SYNE2: variants seen among roughly 807,000 people sequenced by gnomAD.
The protein encoded by SYNE2 is spectrin repeat containing nuclear envelope protein 2.
SYNE2 carries 431 observed loss-of-function variants against 856.3 expected under a neutral mutation model. The observed-to-expected ratio is 0.50, with a 90% CI of 0.47 to 0.55. The LOEUF (loss-of-function observed/expected upper bound fraction) is 0.55, where lower values mean the gene tolerates loss of function less well. SYNE2 is among the 20% of genes least tolerant of loss of function. The pLI, the probability that SYNE2 is intolerant of heterozygous loss-of-function variation, is 0.00. For missense variants in SYNE2, 8,129 were observed against 8,023.2 expected (o/e 1.01, Z -0.50); for synonymous variants, 2,923 against 2,872.3 (o/e 1.02, Z -0.56).
At chr14:64,129,745 T>A (rs374498004) in intron 74 of SYNE2, 37 bp from the exon 75 acceptor site, 1 of 1,613,270 alleles carries the variant, frequency 6.2e-7, no homozygotes, top group Non-Finnish European at 8.5e-7. Flanking sequence ...TCTGACTTAC[T>A]GAAGGGTTTT....
At chr14:64,010,448 C>T (rs574722113) in intron 32 of SYNE2, among the ~76,000 whole-genome samples, 298 of 152,142 alleles carry the variant, frequency 2.0e-3, no homozygotes, top group African/African-American at 6.6e-3. Flanking sequence ...GCAGGCTTGA[C>T]AGAAGGAAGA....
intron 32 of SYNE2, among the ~76,000 whole-genome samples, chr14:64,012,394 C>T (rs933490032): frequency 2.0e-5 from 3 of 152,238 alleles, no homozygotes; most frequent in South Asian, 2.1e-4. Flanking sequence ...ATTAAAGTAG[C>T]ATGTGGGGAG....
At chr14:64,056,772 G>A (rs993539819) in intron 49 of SYNE2, among the ~76,000 whole-genome samples, 6 of 152,018 alleles carry the variant, frequency 3.9e-5, no homozygotes. Flanking sequence ...CCGAGTTCAA[G>A]TAATTCTCCT....
In SYNE2 at chr14:64,091,114, T is replaced by G. The variant is rs2097609124; in HGVS notation, c.11976+66T>G. 7.0e-6 allele frequency: 10 copies of G among 1,437,592 alleles called. No individual in the cohort carries two copies. The Admixed American group carries it at 1.7e-4, about 25-fold the overall frequency. The allele number at this position is 1,437,592 out of a possible 1,614,324, so 89.1% of individuals were successfully genotyped here. A position where few individuals can be genotyped will look rare whatever the true frequency, so the allele number is the denominator to read the frequency against. Reference sequence around the variant, plus strand: ...TGTTCACCAAAAGCTGGTTTGGTTTTCACTTCTAATTGAAATTCATTATTA... The same window carrying G: ...TGTTCACCAAAAGCTGGTTTGGTTTGCACTTCTAATTGAAATTCATTATTA... On this transcript the variant is annotated intron_variant, in intron 60 of 115. Coordinates refer to ENST00000555002, the MANE Select transcript of SYNE2 (RefSeq NM_182914.3).
At chr14:64,196,641 A>G (rs1761162846) in intron 99 of SYNE2, 1 of 152,210 alleles carries the variant, frequency 6.6e-6, no homozygotes, top group South Asian at 2.1e-4. Flanking sequence ...TGAAACAGAG[A>G]AATTTAATTT....
chr14:64,175,018 C>T lies in SYNE2; in HGVS notation c.17310C>T (p.Leu5770=). The T allele has an allele frequency of 6.2e-7, 1 of 1,614,118 alleles. No homozygotes were observed. The change falls in exon 95 of 116, where the codon CTC becomes CTT. Residue 5770 remains leucine (L), a synonymous_variant. Coordinates refer to ENST00000555002, the MANE Select transcript of SYNE2 (RefSeq NM_182914.3). ...TGGAAGCTGGAGAAAAGTTACTGCT[C>T]ACAACTGACCTGAAAACTAAAGAGT... The part of the protein sequence containing the change: ...LTLEAGEKLL[L]TTDLKTKESV...
At chr14:64,034,061 A>G (rs2097064864) in intron 45 of SYNE2, among the ~76,000 whole-genome samples, 1 of 152,236 alleles carries the variant, frequency 6.6e-6, no homozygotes, top group South Asian at 2.1e-4. Flanking sequence ...AAAGTTGAAC[A>G]GCAACTAGCA....
chr14:63,911,248 C>G (rs1183189145), intron 2 of SYNE2, among the ~76,000 whole-genome samples: 2 of 152,164 alleles, frequency 1.3e-5, no homozygotes, highest in Non-Finnish European at 2.9e-5. Flanking sequence ...ATCCTCTCAT[C>G]CATCCTTCAT....
At chr14:63,761,626 T>C (rs1886484691), upstream of SYNE2, among the ~76,000 whole-genome samples, 1 of 152,180 alleles carries the variant, frequency 6.6e-6, no homozygotes, top group Non-Finnish European at 1.5e-5. Context: ...TCTTCAGGTA[T>C]AGGGAGAATA....
chr14:63,801,409 C>T (rs974434047), intron 1 of SYNE2, among the ~76,000 whole-genome samples: 7 of 152,046 alleles, frequency 4.6e-5, no homozygotes, highest in African/African-American at 1.2e-4. Context: ...TGGTGGCTCA[C>T]GCCTGTAATC....
intron 33 of SYNE2, among the ~76,000 whole-genome samples, chr14:64,017,241 A>G (rs923208501): frequency 1.3e-5 from 2 of 148,590 alleles, no homozygotes; most frequent in Non-Finnish European, 3.0e-5. Context: ...AGGCAGGAGA[A>G]TGGCGTGAAC....
intron 96 of SYNE2, among the ~76,000 whole-genome samples, chr14:64,178,733 C>T (rs992668279): frequency 2.6e-5 from 4 of 152,234 alleles, no homozygotes; most frequent in African/African-American, 7.2e-5. Context: ...TGACAGCAGG[C>T]GCCCAGCCTG....
chr14:63,956,368 C>T, intron 8 of SYNE2: 1 of 455,712 alleles, frequency 2.2e-6, no homozygotes, highest in South Asian at 1.6e-5. Flanking sequence ...ATTACCTATG[C>T]TTTTAATATA....
chr14:64,213,950 CT>C (rs1050227895), intron 105 of SYNE2, among the ~76,000 whole-genome samples: 1 of 151,960 alleles, frequency 6.6e-6, no homozygotes, highest in African/African-American at 2.4e-5. Flanking sequence ...CAAACTTCAG[CT>C]TTTTTTTCCT....
chr14:64,208,075 A>AT (rs1361998428), intron 100 of SYNE2: 1 of 455,806 alleles, frequency 2.2e-6, no homozygotes, highest in African/African-American at 2.0e-5. Flanking sequence ...CATAAATGTT[A>AT]TTTTTCCCAA....
rs370747910 is a variant in SYNE2 at position 64,001,960 on chromosome 14, G to T, written c.3665G>T (p.Arg1222Leu). The change falls in exon 29 of 116, where the codon CGG becomes CTG. Residue 1222 changes from arginine (R) to leucine (L), a missense_variant. Around this residue, in one of 3 missense-constraint regions of SYNE2, gnomAD observed 2,422 missense variants for 2,357.4 expected, o/e 1.03. Coordinates refer to ENST00000555002, the MANE Select transcript of SYNE2 (RefSeq NM_182914.3). The stretch of plus-strand genomic sequence containing the variant: ...ATGGAATCTTTAGAGACAGCACTGC[G>T]GCTTGTGTTACCTGTAGAGAAGGCA... ...TRMESLETAL[R>L]LVLPVEKASL... 2 of 1,614,034 alleles carry T rather than the reference G, an allele frequency of 1.2e-6. No individual in the cohort carries two copies. Among genetic ancestry groups the T allele is most frequent in the Admixed American group, 1.7e-5 (1 of 60,004 alleles).
intron 2 of SYNE2, among the ~76,000 whole-genome samples, chr14:63,914,628 A>G (rs935864454): frequency 6.6e-6 from 1 of 152,220 alleles, no homozygotes; most frequent in Non-Finnish European, 1.5e-5. Flanking sequence ...GTATGGACAG[A>G]TAAGAAAATC....
intron 2 of SYNE2, among the ~76,000 whole-genome samples, chr14:63,928,561 C>T (rs73269821): frequency 0.09 from 13,652 of 152,234 alleles, 671 homozygotes; most frequent in South Asian, 0.17. Context: ...TAGTTAATAG[C>T]CTTCCCCTTC....
rs75690422 is a variant in SYNE2 at position 64,014,403 on chromosome 14, A to G, written c.4729-2070A>G. ...TGTCCAGGAGTGTGCTTGCTGGGTC[A>G]TATGTTAATTGCATGGGTTTTTTTT... is the stretch of plus-strand genomic sequence containing the variant. On this transcript the variant is annotated intron_variant, in intron 32 of 115. Coordinates refer to ENST00000555002, the MANE Select transcript of SYNE2 (RefSeq NM_182914.3). Among the ~76,000 whole-genome samples, 364 of 152,200 alleles carry G rather than the reference A, an allele frequency of 2.4e-3. 5 individuals carry two copies. The highest frequency in any genetic ancestry group is 0.015 in the South Asian group (73 of 4,818).
Sources: gnomAD v4.1 joint callset for allele counts (sites outside exome capture counted in the v4.1 genomes callset) on GRCh38, gnomAD v4.1.1 for gene constraint, gnomAD v4.1.1 regional missense constraint, MANE v1.5 for transcripts, NCBI Gene and HGNC (gene_info 2026-07-23, HGNC 2026-07-21) for gene names.